Variants in STXBP4 observed in about 807,000 individuals in gnomAD.
STXBP4 encodes syntaxin binding protein 4.
STXBP4 carries 55 observed loss-of-function variants against 76.1 expected under a neutral mutation model. The ratio of observed to expected loss-of-function variants is 0.72; its 90% CI spans 0.58 to 0.91. The LOEUF is 0.91. Among genes scored for constraint, STXBP4 ranks in the 40% least tolerant of loss-of-function variants. STXBP4 has a pLI of 0.00. For synonymous variants in STXBP4, 201 were observed against 220.2 expected, an observed-to-expected ratio of 0.91 and a Z score of 0.77; for missense variants, 618 against 636.9, an observed-to-expected ratio of 0.97 and a Z score of 0.32.
At chr17:55,093,214 G>A (rs571386919) in intron 16 of STXBP4, among the ~76,000 whole-genome samples, 1 of 152,070 alleles carries the variant, frequency 6.6e-6, no homozygotes, top group Admixed American at 6.6e-5. Context: ...GGCTGGTCTT[G>A]AACACACACA....
chr17:55,207,951 T>G, the STXBP4 span, among the ~76,000 whole-genome samples: 1 of 152,052 alleles, frequency 6.6e-6, no homozygotes, highest in South Asian at 2.1e-4. Flanking sequence ...AATTTGCTTA[T>G]AATAACCATG....
chr17:54,980,451 T>C (rs2144323700), intron 1 of STXBP4, among the ~76,000 whole-genome samples: 1 of 152,302 alleles, frequency 6.6e-6, no homozygotes, highest in East Asian at 1.9e-4. Context: ...AAGGAAAGAA[T>C]GAAACAATGA....
chr17:55,070,739 C>T (rs1373354707), intron 12 of STXBP4, among the ~76,000 whole-genome samples: 2 of 152,068 alleles, frequency 1.3e-5, no homozygotes, highest in African/African-American at 4.8e-5. Flanking sequence ...CATTACTCCC[C>T]TATAGCAAGT....
Position 55,168,223 on chromosome 17 carries a change from A to G in STXBP4, c.*8312A>G, listed in dbSNP as rs1391931335. ...TGTGTGTGTGTGTGTGTGTATATAT[A>G]TATATCTGTGTGTATATACACACCA... On this transcript the variant is annotated 3_prime_UTR_variant, in exon 18 of 18. Coordinates refer to ENST00000376352, the MANE Select transcript of STXBP4 (RefSeq NM_178509.6). 1 of 126,374 alleles carries G rather than the reference A, an allele frequency of 7.9e-6. No homozygotes were observed. Among genetic ancestry groups the G allele is most frequent in the Non-Finnish European group, 1.7e-5 (1 of 59,994 alleles). 7.8% of individuals were successfully genotyped at this position (126,374 alleles called of 1,614,324 possible).
intron 8 of STXBP4, among the ~76,000 whole-genome samples, chr17:55,018,405 A>G (rs1309497098): frequency 3.3e-5 from 5 of 152,218 alleles, no homozygotes; most frequent in African/African-American, 4.8e-5. Context: ...AGCTCCAGCC[A>G]TAACAAACAC....
In STXBP4 at chr17:55,169,824, G is replaced by A. The variant is rs1250980508; in HGVS notation, c.*9913G>A. On this transcript the variant is annotated 3_prime_UTR_variant, in exon 18 of 18. Transcript: ENST00000376352. ...TCCCTGGACATTCAAGCAATTGAAT[G>A]TCTAAACAATCCAAGACAGATAATT... 1.3e-5 allele frequency: 2 copies of A among 152,216 alleles called. No homozygotes were observed. Among genetic ancestry groups the A allele is most frequent in the Non-Finnish European group, 2.9e-5 (2 of 68,030 alleles). 9.4% of individuals were successfully genotyped at this position (152,216 alleles called of 1,614,324 possible).
intron 16 of STXBP4, among the ~76,000 whole-genome samples, chr17:55,105,371 T>A (rs2079619241): frequency 6.6e-6 from 1 of 152,180 alleles, no homozygotes; most frequent in African/African-American, 2.4e-5. Context: ...TGCCTTAATT[T>A]CATTATTTAC....
intron 12 of STXBP4, among the ~76,000 whole-genome samples, chr17:55,071,831 G>C (rs773212080): frequency 4.6e-5 from 7 of 152,054 alleles, no homozygotes; most frequent in Non-Finnish European, 8.8e-5. Context: ...AATTAAAATA[G>C]CCATAGTTTA....
At chr17:55,038,636 C>G (rs976862283) in intron 10 of STXBP4, among the ~76,000 whole-genome samples, 5 of 151,982 alleles carry the variant, frequency 3.3e-5, no homozygotes, top group African/African-American at 4.8e-5. Flanking sequence ...CAGTGCTACA[C>G]CTGCTGCTGG....
rs146454117 is a variant in STXBP4 at position 54,970,455 on chromosome 17, G to T, written c.-157+1640G>T. Among the ~76,000 whole-genome samples, 4 of 152,282 alleles carry T rather than the reference G, an allele frequency of 2.6e-5. No individual in the cohort carries two copies. In the East Asian group the frequency reaches 7.7e-4, roughly 29 times the overall value. ...CTTGTGGTCACAGGGCCAGAAAATT[G>T]CAGAACCAATAAAATATAAATACCT... On this transcript the variant is annotated intron_variant, in intron 1 of 17. Coordinates refer to ENST00000376352, the MANE Select transcript of STXBP4 (RefSeq NM_178509.6).
chr17:55,198,465 A>T, the STXBP4 span, among the ~76,000 whole-genome samples: 1 of 152,124 alleles, frequency 6.6e-6, no homozygotes, highest in Non-Finnish European at 1.5e-5. Flanking sequence ...AATGATAGAG[A>T]TCTTAAACTT....
intron 16 of STXBP4, among the ~76,000 whole-genome samples, chr17:55,085,023 G>T (rs1598297678): frequency 6.6e-6 from 1 of 152,178 alleles, no homozygotes; most frequent in African/African-American, 2.4e-5. Context: ...GGAATACTAT[G>T]CAGCCATAAA....
intron 16 of STXBP4, among the ~76,000 whole-genome samples, chr17:55,125,479 C>CAAAAAAAAAAAAAAAAAAAAAAAAA (rs10632680): frequency 1.1e-5 from 1 of 91,778 alleles, no homozygotes; most frequent in African/African-American, 3.8e-5. Flanking sequence ...GGACAAAATA[C>CAAAAAAAAAAAAAAAAAAAAAAAAA]AAAAAAAAAA....
intron 16 of STXBP4, among the ~76,000 whole-genome samples, chr17:55,126,118 T>C (rs1283176686): frequency 6.6e-6 from 1 of 152,166 alleles, no homozygotes; most frequent in Non-Finnish European, 1.5e-5. Context: ...AAGATTAACA[T>C]GCTTCAGAGT....
chr17:55,048,540 T>G (rs573239447), intron 12 of STXBP4, among the ~76,000 whole-genome samples: 8 of 151,800 alleles, frequency 5.3e-5, no homozygotes, highest in Non-Finnish European at 1.2e-4. Flanking sequence ...TCAAGGGAAT[T>G]TCCTCAAATA....
chr17:55,185,218 T>C, the STXBP4 span, among the ~76,000 whole-genome samples: 2 of 40,348 alleles, frequency 5.0e-5, no homozygotes, highest in African/African-American at 2.5e-4. Flanking sequence ...TTCTTCTTCT[T>C]CTTCTTCTTC....
chr17:55,043,391 T>C (rs1042227323), intron 11 of STXBP4, 66 bp downstream of exon 11: 2 of 988,336 alleles, frequency 2.0e-6, no homozygotes, highest in Non-Finnish European at 2.8e-6. Context: ...AAATCCTATA[T>C]TGGATTCTGA....
intron 11 of STXBP4, among the ~76,000 whole-genome samples, chr17:55,046,677 G>A (rs2078794095): frequency 6.6e-6 from 1 of 151,762 alleles, no homozygotes; most frequent in Admixed American, 6.6e-5. Flanking sequence ...AATTAAATTA[G>A]GAAATTAAGA....
intron 12 of STXBP4, among the ~76,000 whole-genome samples, chr17:55,055,176 C>G (rs550809967): frequency 6.6e-6 from 1 of 152,182 alleles, no homozygotes; most frequent in East Asian, 1.9e-4. Context: ...GGCCCAGGAA[C>G]ATAAGGGAAA....
Sources: allele counts gnomAD v4.1 joint callset (sites outside exome capture counted in the v4.1 genomes callset), GRCh38; gene constraint gnomAD v4.1.1; transcripts MANE v1.5; gene names NCBI Gene and HGNC (gene_info 2026-07-23, HGNC 2026-07-21).